The following CASP9 variants were observed in gnomAD, a reference collection of about 807,000 sequenced individuals.
The protein encoded by CASP9 is caspase 9, also known as caspase-9.
In CASP9, 29 loss-of-function variants were observed where a neutral mutation model predicts 43.5. The observed-to-expected ratio is 0.67, with a 90% CI of 0.50 to 0.91. The LOEUF (loss-of-function observed/expected upper bound fraction) is 0.91, where lower values mean the gene tolerates loss of function less well. Among genes scored for constraint, CASP9 ranks in the 40% least tolerant of loss-of-function variants. CASP9 has a pLI of 0.00. For missense variants in CASP9, 575 were observed against 537.4 expected (o/e 1.07, Z -0.69); for synonymous variants, 206 against 211.9 (o/e 0.97, Z 0.24).
intron 6 of CASP9, among the ~76,000 whole-genome samples, chr1:15,501,875 G>A (rs903212809): frequency 5.3e-5 from 8 of 152,016 alleles, no homozygotes; most frequent in Admixed American, 6.6e-5. Context: ...GGGCTCAAGC[G>A]ATCTTCCTGC....
intron 6 of CASP9, among the ~76,000 whole-genome samples, chr1:15,499,317 A>G (rs1709234616): frequency 6.6e-6 from 1 of 152,210 alleles, no homozygotes; most frequent in African/African-American, 2.4e-5. Flanking sequence ...TCACTTGTAC[A>G]TTAGAGAACT....
chr1:15,501,758 A>AT (rs200366405), intron 6 of CASP9, among the ~76,000 whole-genome samples: 15 of 150,292 alleles, frequency 1.0e-4, no homozygotes, highest in South Asian at 4.2e-4. Context: ...TTTGGCTCAT[A>AT]TTTTTTTTTT....
chr1:15,522,106 C>G (rs1220858057), intron 1 of CASP9, among the ~76,000 whole-genome samples: 2 of 152,182 alleles, frequency 1.3e-5, no homozygotes, highest in Non-Finnish European at 2.9e-5. Context: ...CTTTTTCTCC[C>G]TCAATAACTT....
At chr1:15,495,198 C>A (rs1709059288) in intron 7 of CASP9, 75 bp downstream of exon 7, 2 of 1,390,506 alleles carry the variant, frequency 1.4e-6, no homozygotes, top group African/African-American at 2.9e-5. Context: ...GGTCTTTTCT[C>A]TCACCACACA....
chr1:15,496,914 C>CTGAGG (rs1188279710), intron 6 of CASP9, among the ~76,000 whole-genome samples: 1 of 152,054 alleles, frequency 6.6e-6, no homozygotes, highest in East Asian at 1.9e-4. Context: ...ACTCGTGAGG[C>CTGAGG]TGAGGTGGGA....
chr1:15,511,923 G>A (rs562138085), intron 2 of CASP9, among the ~76,000 whole-genome samples: 8 of 152,068 alleles, frequency 5.3e-5, no homozygotes, highest in African/African-American at 1.9e-4. Flanking sequence ...AGAAATCACA[G>A]AAGGAAGCAG....
chr1:15,501,829 T>C (rs375854162), intron 6 of CASP9, among the ~76,000 whole-genome samples: 4 of 152,076 alleles, frequency 2.6e-5, no homozygotes, highest in Admixed American at 1.3e-4. Context: ...CGGAGTGCAA[T>C]AGTGTAAACA....
intron 2 of CASP9, among the ~76,000 whole-genome samples, chr1:15,514,117 T>A (rs1271767644): frequency 3.3e-5 from 5 of 152,188 alleles, no homozygotes; most frequent in Non-Finnish European, 1.5e-5. Context: ...GGCCAGATTC[T>A]TCTTTATTGT....
intron 1 of CASP9, among the ~76,000 whole-genome samples, chr1:15,519,023 C>T (rs1189465854): frequency 1.3e-5 from 2 of 151,242 alleles, no homozygotes; most frequent in Admixed American, 6.6e-5. Flanking sequence ...TACAGGCACA[C>T]ACCACCATAC....
intron 2 of CASP9, among the ~76,000 whole-genome samples, chr1:15,512,659 T>C (rs1709799508): frequency 1.3e-5 from 2 of 152,140 alleles, no homozygotes; most frequent in African/African-American, 2.4e-5. Context: ...AAATATGTTT[T>C]TAGATAAAGA....
chr1:15,512,719 T>C (rs1709803953), intron 2 of CASP9, among the ~76,000 whole-genome samples: 1 of 152,176 alleles, frequency 6.6e-6, no homozygotes, highest in Admixed American at 6.5e-5. Context: ...TCTATATATA[T>C]CCGTGTGTGT....
chr1:15,493,492 A>C, intron 8 of CASP9: 2 of 1,318,210 alleles, frequency 1.5e-6, no homozygotes, highest in Non-Finnish European at 1.9e-6. Context: ...GGCGATGTAC[A>C]AGGAGGGGTT....
intron 8 of CASP9, chr1:15,493,346 G>C (rs934424346): frequency 1.3e-5 from 16 of 1,251,780 alleles, no homozygotes; most frequent in Admixed American, 1.2e-4. Context: ...GCCCATACAT[G>C]CTGCCTCCCA....
chr1:15,506,871 T>G, intron 4 of CASP9, 28 bp downstream of exon 4: 27 of 894,840 alleles, frequency 3.0e-5, no homozygotes, highest in Non-Finnish European at 4.3e-5. Context: ...CCCCCCACCC[T>G]GTCTCCCTCC....
At chr1:15,504,092 C>T (rs1709428378) in intron 6 of CASP9, among the ~76,000 whole-genome samples, 1 of 152,346 alleles carries the variant, frequency 6.6e-6, no homozygotes, top group East Asian at 1.9e-4. Context: ...AGCAATCCTC[C>T]TGCCTCGGCC....
chr1:15,514,967 C>T (rs1024890362), intron 2 of CASP9, among the ~76,000 whole-genome samples: 2 of 151,872 alleles, frequency 1.3e-5, no homozygotes, highest in East Asian at 1.9e-4. Context: ...AACACACCAC[C>T]GCACTCCACC....
In CASP9 at chr1:15,504,642, G is replaced by A; in HGVS notation, c.837C>T (p.Pro279=). The change falls in exon 6 of 9, where the codon CCC becomes CCT. Residue 279 remains proline (P), a synonymous_variant. Coordinates refer to ENST00000333868, the MANE Select transcript of CASP9 (RefSeq NM_001229.5). ...CACAGGCCTGGATGAAAAAGAGCTTGGGCTTCCCTCCCAGGCTGGGGCAGC... is the reference window on the plus strand; with the variant it reads ...CACAGGCCTGGATGAAAAAGAGCTTAGGCTTCCCTCCCAGGCTGGGGCAGC... ...GTSCPSLGGK[P]KLFFIQACGG... is the part of the protein sequence containing the mutation. 6.2e-7 allele frequency: 1 copy of A among 1,614,046 alleles called. No homozygotes were observed.
At chr1:15,499,044 T>C (rs1171060932) in intron 6 of CASP9, among the ~76,000 whole-genome samples, 1 of 152,212 alleles carries the variant, frequency 6.6e-6, no homozygotes, top group East Asian at 1.9e-4. Context: ...GCCAATGATC[T>C]TATTTCCAAT....
At chr1:15,498,896 G>A (rs566474147) in intron 6 of CASP9, among the ~76,000 whole-genome samples, 69 of 152,102 alleles carry the variant, frequency 4.5e-4, no homozygotes, top group African/African-American at 1.5e-3. Flanking sequence ...ACAGGCGTGT[G>A]CCACCACACC....
Sources: gnomAD v4.1 joint callset for allele counts (sites outside exome capture counted in the v4.1 genomes callset) on GRCh38, gnomAD v4.1.1 for gene constraint, MANE v1.5 for transcripts, NCBI Gene and HGNC (gene_info 2026-07-23, HGNC 2026-07-21) for gene names.